RABGAP1L: variants seen among roughly 807,000 people sequenced by gnomAD.
RABGAP1L encodes the protein rab GTPase-activating protein 1-like.
A neutral mutation model predicts 137.7 loss-of-function variants in RABGAP1L; 63 were observed. That is an observed-to-expected ratio of 0.46 (90% CI 0.37 to 0.56). The LOEUF (loss-of-function observed/expected upper bound fraction) is 0.56, where lower values mean the gene tolerates loss of function less well. Among genes scored for constraint, RABGAP1L ranks in the 20% least tolerant of loss-of-function variants. RABGAP1L has a pLI of 0.00. For missense variants in RABGAP1L, 1,095 were observed against 1,244.0 expected, an observed-to-expected ratio of 0.88 and a Z score of 1.80; for synonymous variants, 431 against 433.7, an observed-to-expected ratio of 0.99 and a Z score of 0.08.
rs557190403 is a variant in RABGAP1L, at chr1:174,490,366, C to G, written c.1710+96221C>G. Among the ~76,000 whole-genome samples the G allele has an allele frequency of 6.6e-5, 10 of 152,286 alleles. No individual in the cohort carries two copies. In the South Asian group the frequency reaches 2.1e-3, roughly 32 times the overall value. On this transcript the variant is annotated intron_variant, in intron 13 of 25. Transcript: ENST00000681986. ...CCGCCTTCGTGGTCTTAGATAAGATCTGGAAGAGTTCTGTGGATTACCAGG... is the reference window on the plus strand; with the variant it reads ...CCGCCTTCGTGGTCTTAGATAAGATGTGGAAGAGTTCTGTGGATTACCAGG...
chr1:174,302,645 G>A (rs1202853860), intron 10 of RABGAP1L, among the ~76,000 whole-genome samples: 1 of 152,206 alleles, frequency 6.6e-6, no homozygotes, highest in Non-Finnish European at 1.5e-5. Context: ...CAGGACAGGA[G>A]TTAGCTGTTC....
intron 11 of RABGAP1L, among the ~76,000 whole-genome samples, chr1:174,353,218 G>A (rs1683344957): frequency 1.3e-5 from 2 of 152,140 alleles, no homozygotes; most frequent in Admixed American, 1.3e-4. Context: ...CTGGAATGGG[G>A]GCTTCAGGAC....
intron 13 of RABGAP1L, among the ~76,000 whole-genome samples, chr1:174,434,108 T>TACACACACAGACACAC (rs1652967252): frequency 7.5e-6 from 1 of 134,050 alleles, no homozygotes; most frequent in Non-Finnish European, 1.7e-5. Flanking sequence ...CGTGTACACA[T>TACACACACAGACACAC]ACACACACAC....
rs190708606 is a variant in RABGAP1L at position 174,994,620 on chromosome 1, G to C, written c.*4619G>C. ...TGGGATAAAATATATGGACTGAATT[G>C]TGAGAATATAAATGCATCGAAAGAC... On this transcript the variant is annotated 3_prime_UTR_variant, in exon 26 of 26. Coordinates refer to ENST00000681986, the MANE Select transcript of RABGAP1L (RefSeq NM_001366446.1). 7 of 152,266 alleles carry C rather than the reference G, an allele frequency of 4.6e-5. No individual in the cohort carries two copies. The highest frequency in any genetic ancestry group is 1.7e-4 in the African/African-American group (7 of 41,548). 9.4% of individuals were successfully genotyped at this position (152,266 alleles called of 1,614,324 possible).
intron 12 of RABGAP1L, among the ~76,000 whole-genome samples, chr1:174,373,093 C>T (rs965248808): frequency 2.0e-5 from 3 of 152,204 alleles, no homozygotes; most frequent in Non-Finnish European, 2.9e-5. Flanking sequence ...AAATGTACCT[C>T]ATATGTTTTT....
At chr1:174,221,860 A>G (rs1460157057) in intron 3 of RABGAP1L, among the ~76,000 whole-genome samples, 2 of 152,198 alleles carry the variant, frequency 1.3e-5, no homozygotes, top group African/African-American at 4.8e-5. Flanking sequence ...CTGGTGGCAA[A>G]GAGAAAGTCT....
chr1:174,366,980 T>C (rs1188021908), intron 11 of RABGAP1L: 1 of 152,024 alleles, frequency 6.6e-6, no homozygotes, highest in Non-Finnish European at 1.5e-5. Context: ...CCTTGAAAAA[T>C]AGGTGTTACT....
chr1:174,811,219 G>A (rs974576185), intron 18 of RABGAP1L, among the ~76,000 whole-genome samples: 3 of 152,070 alleles, frequency 2.0e-5, no homozygotes, highest in Admixed American at 6.5e-5. Context: ...TTTAGTTTTT[G>A]AAGAAGTAAA....
chr1:174,667,282 A>G (rs1557966560), intron 14 of RABGAP1L, among the ~76,000 whole-genome samples: 1 of 152,194 alleles, frequency 6.6e-6, no homozygotes. Context: ...AAATCAGAAC[A>G]TAGGTACCCC....
chr1:174,473,389 A>G (rs1216206105), intron 13 of RABGAP1L, among the ~76,000 whole-genome samples: 1 of 152,012 alleles, frequency 6.6e-6, no homozygotes, highest in Non-Finnish European at 1.5e-5. Flanking sequence ...AAAGCATCTT[A>G]TTTTCTTGAT....
At chr1:174,650,150 A>G (rs918322680) in intron 14 of RABGAP1L, among the ~76,000 whole-genome samples, 3 of 152,134 alleles carry the variant, frequency 2.0e-5, no homozygotes, top group Non-Finnish European at 4.4e-5. Flanking sequence ...TGATTTACGT[A>G]TATTGAACCA....
intron 13 of RABGAP1L, among the ~76,000 whole-genome samples, chr1:174,435,470 A>C (rs1191180684): frequency 2.6e-5 from 4 of 152,026 alleles, no homozygotes; most frequent in Admixed American, 2.6e-4. Context: ...GGTCTAAGTT[A>C]ATTTTTCCCC....
chr1:174,309,860 A>C (rs903045781), intron 11 of RABGAP1L, among the ~76,000 whole-genome samples: 3 of 152,014 alleles, frequency 2.0e-5, no homozygotes, highest in South Asian at 4.1e-4. Flanking sequence ...ATATTAGTGT[A>C]ATGCTGGCCT....
chr1:174,797,688 G>T, intron 18 of RABGAP1L, among the ~76,000 whole-genome samples: 2 of 139,568 alleles, frequency 1.4e-5, no homozygotes, highest in South Asian at 4.7e-4. Context: ...AGGTGTGGGG[G>T]GATGTGTGTG....
At chr1:174,227,199 C>CTTTTTT (rs71117559) in intron 3 of RABGAP1L, among the ~76,000 whole-genome samples, 4 of 133,816 alleles carry the variant, frequency 3.0e-5, no homozygotes, top group Admixed American at 7.6e-5. Context: ...TGACCATTTA[C>CTTTTTT]TTTTTTTTTT....
intron 11 of RABGAP1L, among the ~76,000 whole-genome samples, chr1:174,323,068 A>G (rs1031753572): frequency 2.0e-5 from 3 of 152,162 alleles, no homozygotes; most frequent in African/African-American, 7.2e-5. Context: ...TATATTATAC[A>G]CTTCAGTGTC....
intron 17 of RABGAP1L, among the ~76,000 whole-genome samples, chr1:174,702,925 A>G (rs970758919): frequency 6.6e-6 from 1 of 152,132 alleles, no homozygotes; most frequent in African/African-American, 2.4e-5. Context: ...ATGTTTGACT[A>G]TCTTAGCAGT....
intron 13 of RABGAP1L, among the ~76,000 whole-genome samples, chr1:174,524,358 G>A (rs1013053231): frequency 3.3e-5 from 5 of 152,006 alleles, no homozygotes; most frequent in African/African-American, 1.2e-4. Context: ...CCTGGGGTAA[G>A]ATGAGAACTC....
At chr1:174,361,131 T>C (rs1447159906) in intron 11 of RABGAP1L, among the ~76,000 whole-genome samples, 1 of 151,914 alleles carries the variant, frequency 6.6e-6, no homozygotes, top group Admixed American at 6.6e-5. Flanking sequence ...CACACATTGG[T>C]CTCTGTGTCT....
Sources: allele counts gnomAD v4.1 joint callset (sites outside exome capture counted in the v4.1 genomes callset), GRCh38; gene constraint gnomAD v4.1.1; transcripts MANE v1.5; gene names NCBI Gene and HGNC (gene_info 2026-07-23, HGNC 2026-07-21).